PLXDC2: variants seen among roughly 807,000 people sequenced by gnomAD.
The protein encoded by PLXDC2 is plexin domain-containing protein 2.
A neutral mutation model predicts 68.9 loss-of-function variants in PLXDC2; 40 were observed. The observed-to-expected ratio is 0.58, with a 90% CI of 0.45 to 0.76. The LOEUF is 0.76. Ranked by LOEUF, PLXDC2 falls within the 30% of genes least tolerant of loss-of-function variation. The pLI is 0.00. For synonymous variants in PLXDC2, 243 were observed against 234.2 expected (o/e 1.04, Z -0.34); for missense variants, 644 against 661.9 (o/e 0.97, Z 0.30).
intron 9 of PLXDC2, among the ~76,000 whole-genome samples, chr10:20,184,244 A>C (rs1834648762): frequency 6.6e-6 from 1 of 151,498 alleles, no homozygotes; most frequent in Non-Finnish European, 1.5e-5. Flanking sequence ...ATTCCTTTGC[A>C]GTAATGAAAA....
chr10:20,139,115 A>G (rs1833969130), intron 4 of PLXDC2, among the ~76,000 whole-genome samples: 1 of 152,214 alleles, frequency 6.6e-6, no homozygotes. Context: ...TGAGGCTTAC[A>G]GATGTAAAAA....
chr10:19,978,961 C>A (rs1176866800), intron 1 of PLXDC2, among the ~76,000 whole-genome samples: 1 of 152,090 alleles, frequency 6.6e-6, no homozygotes, highest in East Asian at 1.9e-4. Flanking sequence ...TTATTACCTA[C>A]AAGTATTTTC....
intron 13 of PLXDC2, among the ~76,000 whole-genome samples, chr10:20,274,130 CAGAA>C (rs1259316317): frequency 2.6e-5 from 4 of 151,594 alleles, no homozygotes; most frequent in African/African-American, 9.7e-5. Flanking sequence ...GGAAAGAAAA[CAGAA>C]AGAAAGAAAG....
chr10:19,988,775 ACTTTT>A (rs1834693193), intron 1 of PLXDC2, among the ~76,000 whole-genome samples: 1 of 75,960 alleles, frequency 1.3e-5, no homozygotes, highest in African/African-American at 5.2e-5. Flanking sequence ...TAATAATGCC[ACTTTT>A]TTTTTTTTTT....
At chr10:20,073,673 A>G (rs752434820) in intron 4 of PLXDC2, among the ~76,000 whole-genome samples, 9 of 152,158 alleles carry the variant, frequency 5.9e-5, no homozygotes, top group Non-Finnish European at 8.8e-5. Flanking sequence ...TATGTCAAAA[A>G]TACTTCAGAA....
In PLXDC2 at chr10:20,285,327, C is replaced by T. The variant is rs1220456631; in HGVS notation, c.*5508C>T. On this transcript the variant is annotated 3_prime_UTR_variant, in exon 14 of 14. Coordinates refer to ENST00000377252, the MANE Select transcript of PLXDC2 (RefSeq NM_032812.9). ...AGTTCACTGAAATATTTATTGAACACCTACTGGAACCAAGTGACTGTGCTA... is the reference window on the plus strand; with the variant it reads ...AGTTCACTGAAATATTTATTGAACATCTACTGGAACCAAGTGACTGTGCTA... The T allele has an allele frequency of 6.6e-6, 1 of 152,110 alleles. No individual in the cohort carries two copies. The highest frequency in any genetic ancestry group is 1.5e-5 in the Non-Finnish European group (1 of 68,012). 9.4% of individuals were successfully genotyped at this position (152,110 alleles called of 1,614,324 possible). A position where few individuals can be genotyped will look rare whatever the true frequency, so the allele number is the denominator to read the frequency against.
chr10:19,865,354 C>A (rs1837394116), intron 1 of PLXDC2, among the ~76,000 whole-genome samples: 1 of 152,176 alleles, frequency 6.6e-6, no homozygotes, highest in Non-Finnish European at 1.5e-5. Context: ...AAAAACTTGG[C>A]TCTTTGTTAT....
intron 1 of PLXDC2, among the ~76,000 whole-genome samples, chr10:19,991,547 AT>A (rs1383705587): frequency 6.6e-6 from 1 of 152,174 alleles, no homozygotes; most frequent in African/African-American, 2.4e-5. Context: ...GATTTATCTG[AT>A]TTAAATCATA....
intron 6 of PLXDC2, among the ~76,000 whole-genome samples, chr10:20,162,603 A>G (rs1388735138): frequency 2.0e-5 from 3 of 152,242 alleles, no homozygotes; most frequent in African/African-American, 7.2e-5. Flanking sequence ...ATTTTTCCCT[A>G]TGCTTTTCCA....
Position 19,916,140 on chromosome 10 carries a change from T to G in PLXDC2, c.113-85635T>G, listed in dbSNP as rs954150564. Among the ~76,000 whole-genome samples, 65 of 149,456 alleles carry G rather than the reference T, an allele frequency of 4.3e-4. 1 individual carries two copies. Among genetic ancestry groups the G allele is most frequent in the Admixed American group, 8.0e-4 (12 of 14,974 alleles). On this transcript the variant is annotated intron_variant, in intron 1 of 13. Transcript: ENST00000377252. Reference sequence around the variant, plus strand: ...GAGGGAGTTGTGTTTTGTTTTGTTTTTTTTTTTTAATGGAGTCTCACTCTG... The same window carrying G: ...GAGGGAGTTGTGTTTTGTTTTGTTTGTTTTTTTTAATGGAGTCTCACTCTG...
At chr10:20,277,145 G>A (rs938500925) in intron 13 of PLXDC2, among the ~76,000 whole-genome samples, 2 of 147,504 alleles carry the variant, frequency 1.4e-5, no homozygotes, top group Non-Finnish European at 3.0e-5. Flanking sequence ...GGAGGTGGAG[G>A]TTGCAGTGAG....
chr10:20,103,180 A>T (rs1833445073), intron 4 of PLXDC2, among the ~76,000 whole-genome samples: 1 of 152,212 alleles, frequency 6.6e-6, no homozygotes, highest in Non-Finnish European at 1.5e-5. Flanking sequence ...GGCCCCCAAA[A>T]TATTTTAATT....
chr10:20,259,003 G>A (rs561807686), intron 13 of PLXDC2, among the ~76,000 whole-genome samples: 208 of 121,640 alleles, frequency 1.7e-3, no homozygotes, highest in Middle Eastern at 9.8e-3. Flanking sequence ...GCGATACTCC[G>A]TCTCAAAAAA....
intron 11 of PLXDC2, among the ~76,000 whole-genome samples, chr10:20,218,380 G>A (rs966865285): frequency 6.6e-6 from 1 of 152,144 alleles, no homozygotes; most frequent in Non-Finnish European, 1.5e-5. Context: ...AGGTGAACTG[G>A]AATAAAGTGG....
intron 4 of PLXDC2, among the ~76,000 whole-genome samples, chr10:20,130,128 T>A (rs1185398171): frequency 2.0e-5 from 3 of 152,122 alleles, no homozygotes; most frequent in African/African-American, 7.2e-5. Flanking sequence ...ATTTTTAATT[T>A]TCAATTCTTC....
intron 1 of PLXDC2, among the ~76,000 whole-genome samples, chr10:19,864,667 A>T (rs1837380781): frequency 6.6e-6 from 1 of 152,220 alleles, no homozygotes; most frequent in Non-Finnish European, 1.5e-5. Context: ...TGCTACTGTT[A>T]TTCATGAAGC....
intron 9 of PLXDC2, 72 bp downstream of exon 9, chr10:20,177,481 C>T: frequency 1.2e-6 from 1 of 803,034 alleles, no homozygotes; most frequent in Non-Finnish European, 1.7e-6. Flanking sequence ...TTAAAAATAA[C>T]TTATGGACAG....
intron 9 of PLXDC2, among the ~76,000 whole-genome samples, chr10:20,210,823 T>C (rs963779632): frequency 6.6e-6 from 1 of 152,154 alleles, no homozygotes; most frequent in Non-Finnish European, 1.5e-5. Flanking sequence ...CCAATAACAA[T>C]GTGCAATAAT....
intron 4 of PLXDC2, among the ~76,000 whole-genome samples, chr10:20,113,204 CA>C (rs1311631510): frequency 6.7e-6 from 1 of 149,890 alleles, no homozygotes; most frequent in Non-Finnish European, 1.5e-5. Context: ...GATGGAAAAC[CA>C]CCAAATGACT....
Sources: gnomAD v4.1 joint callset for allele counts (sites outside exome capture counted in the v4.1 genomes callset) on GRCh38, gnomAD v4.1.1 for gene constraint, MANE v1.5 for transcripts, NCBI Gene and HGNC (gene_info 2026-07-23, HGNC 2026-07-21) for gene names.